PTPA: variants seen among roughly 807,000 people sequenced by gnomAD.
PTPA encodes protein phosphatase 2 phosphatase activator.
Under a neutral mutation model 43.6 loss-of-function variants are expected in PTPA, and 13 were observed. That is an observed-to-expected ratio of 0.30 (90% confidence interval 0.19 to 0.47). PTPA has a LOEUF of 0.47. Ranked by LOEUF, PTPA falls within the 20% of genes least tolerant of loss-of-function variation. The probability of loss-of-function intolerance (pLI) is 0.99; values close to 1 mark genes in which losing one functional copy is unlikely to be tolerated. For synonymous variants in PTPA, 172 were observed against 158.2 expected (o/e 1.09, Z -0.66); for missense variants, 329 against 411.9 (o/e 0.80, Z 1.74).
intron 1 of PTPA, among the ~76,000 whole-genome samples, chr9:129,117,539 G>C (rs971073962): frequency 6.6e-6 from 1 of 152,024 alleles, no homozygotes; most frequent in Non-Finnish European, 1.5e-5. Flanking sequence ...GAGTAGCTGG[G>C]ATTACAGGTG....
intron 5 of PTPA, among the ~76,000 whole-genome samples, chr9:129,133,680 T>C (rs1214224163): frequency 1.3e-5 from 2 of 152,220 alleles, no homozygotes; most frequent in East Asian, 3.8e-4. Flanking sequence ...AATCTGATCA[T>C]GTGTTCCCTG....
chr9:129,142,585 G>A (rs758617604), intron 9 of PTPA, 33 bp downstream of exon 9: 35 of 1,612,972 alleles, frequency 2.2e-5, no homozygotes, highest in Non-Finnish European at 2.8e-5. Context: ...GCCCGTCCCT[G>A]CTGCCGCACT....
chr9:129,128,014 G>A (rs550728636), intron 3 of PTPA: 1 of 1,347,704 alleles, frequency 7.4e-7, no homozygotes, highest in Non-Finnish European at 9.9e-7. Context: ...AGCAGAGTGT[G>A]TCCTGCGATG....
At chr9:129,120,678 C>T (rs751898449) in intron 2 of PTPA, 68 bp downstream of exon 2, 25 of 1,397,150 alleles carry the variant, frequency 1.8e-5, no homozygotes, top group East Asian at 6.9e-5. Flanking sequence ...GCATGACGGG[C>T]GGTGAGTTCC....
chr9:129,145,677 C>G (rs1851247006), intron 9 of PTPA, among the ~76,000 whole-genome samples: 1 of 152,168 alleles, frequency 6.6e-6, no homozygotes, highest in Non-Finnish European at 1.5e-5. Context: ...CCCAGCCTTT[C>G]TGACCGAAGA....
Position 129,130,169 on chromosome 9 carries a change from G to C in PTPA, c.342+1059G>C, listed in dbSNP as rs142220556. Among the ~76,000 whole-genome samples, 379 of 152,260 alleles carry C rather than the reference G, an allele frequency of 2.5e-3. 1 individual carries two copies. The highest frequency in any genetic ancestry group is 4.3e-3 in the Non-Finnish European group (290 of 68,028). On this transcript the variant is annotated intron_variant, in intron 4 of 9. Coordinates refer to ENST00000393370, the MANE Select transcript of PTPA (RefSeq NM_178000.3). ...ACAAAAATAAAAATGCAGGATCTCA[G>C]ACCCTGTCTAGAAAAGCAGAGTCTA...
At chr9:129,122,734 C>T (rs1384081194) in intron 2 of PTPA, among the ~76,000 whole-genome samples, 1 of 152,194 alleles carries the variant, frequency 6.6e-6, no homozygotes, top group Non-Finnish European at 1.5e-5. Flanking sequence ...TTGGTTTCCT[C>T]ATCTGTAAGA....
At chr9:129,144,062 A>G (rs1037857352) in intron 9 of PTPA, among the ~76,000 whole-genome samples, 3 of 151,520 alleles carry the variant, frequency 2.0e-5, no homozygotes, top group African/African-American at 7.3e-5. Context: ...TCTTAATTCA[A>G]GTGACTCTAA....
intron 1 of PTPA, among the ~76,000 whole-genome samples, chr9:129,112,826 A>G (rs570518096): frequency 6.6e-6 from 1 of 152,118 alleles, no homozygotes; most frequent in East Asian, 1.9e-4. Context: ...CCGTAATCCC[A>G]ACTACTAGGG....
Position 129,131,561 on chromosome 9 carries a change from C to T in PTPA, c.382C>T (p.Leu128=). Residue 128 remains leucine (L), a synonymous_variant, in exon 5 of 10, where the codon CTG becomes TTG. Transcript: ENST00000393370. The stretch of plus-strand genomic sequence containing the variant: ...GGTGGCCACAGTGGTCCCTACCCAT[C>T]TGGCAGCTGCTGTGCCTGAGGTGGC... ...NLVATVVPTH[L]AAAVPEVAVY... 1 of 1,614,082 alleles carries T rather than the reference C, an allele frequency of 6.2e-7. No individual in the cohort carries two copies. The highest frequency in any genetic ancestry group is 1.1e-5 in the South Asian group (1 of 91,076).
At chr9:129,137,485 C>T in intron 7 of PTPA, 107 bp from the exon 8 acceptor site, 1 of 772,384 alleles carries the variant, frequency 1.3e-6, no homozygotes, top group Admixed American at 2.6e-5. Flanking sequence ...GTGTTGAGGG[C>T]ACCACGGGCA....
chr9:129,118,294 T>G (rs1849026770), intron 1 of PTPA, among the ~76,000 whole-genome samples: 1 of 151,888 alleles, frequency 6.6e-6, no homozygotes, highest in Admixed American at 6.6e-5. Flanking sequence ...TCTCGTGATC[T>G]GCCTGTCTTG....
intron 8 of PTPA, chr9:129,140,080 CA>C (rs2131612548): frequency 6.5e-6 from 1 of 152,672 alleles, no homozygotes; most frequent in East Asian, 1.9e-4. Flanking sequence ...CCCATCCCCC[CA>C]GTTACTGACA....
chr9:129,128,000 G>A, intron 3 of PTPA: 1 of 1,345,706 alleles, frequency 7.4e-7, no homozygotes, highest in East Asian at 4.7e-5. Flanking sequence ...GGAGCAGGCT[G>A]CAAAGCAGAG....
At position 129,137,690 on chromosome 9, in the gene PTPA, G is replaced by A; in HGVS notation, c.784G>A (p.Glu262Lys). ...MFLECILFIT[E>K]MKTGPFAEHS... ...CCTGGAGTGTATCCTGTTTATTACC[G>A]AGGTGAGGAGGAGGGGTGAGAGAGA... The change falls in exon 8 of 10, where the codon GAG (glutamate) becomes AAG (lysine). Residue 262 changes from glutamate (E) to lysine (K), a missense_variant and splice_region_variant. Glu to Lys is a moderately conservative substitution (Grantham distance 56). Coordinates refer to ENST00000393370, the MANE Select transcript of PTPA (RefSeq NM_178000.3). 6.3e-7 allele frequency: 1 copy of A among 1,596,440 alleles called. No individual in the cohort carries two copies. Among genetic ancestry groups the A allele is most frequent in the African/African-American group, 1.3e-5 (1 of 74,814 alleles).
At chr9:129,142,695 C>T (rs757351087) in intron 9 of PTPA, 143 bp downstream of exon 9, 5 of 1,544,508 alleles carry the variant, frequency 3.2e-6, no homozygotes, top group Admixed American at 2.0e-5. Context: ...GCCCCTCTGA[C>T]ACTTGGGGCC....
intron 1 of PTPA, among the ~76,000 whole-genome samples, chr9:129,112,834 GGGA>G: frequency 6.6e-6 from 1 of 152,136 alleles, no homozygotes; most frequent in African/African-American, 2.4e-5. Flanking sequence ...CCAACTACTA[GGGA>G]GGATGAGGCA....
At chr9:129,146,853 C>T (rs1192669904) in intron 9 of PTPA, among the ~76,000 whole-genome samples, 1 of 152,222 alleles carries the variant, frequency 6.6e-6, no homozygotes, top group Non-Finnish European at 1.5e-5. Flanking sequence ...CTGCCCCCCA[C>T]ACAGGCTGCT....
chr9:129,121,923 G>A (rs1232942777), intron 2 of PTPA, among the ~76,000 whole-genome samples: 1 of 152,232 alleles, frequency 6.6e-6, no homozygotes, highest in Non-Finnish European at 1.5e-5. Flanking sequence ...GCTGGCAGGA[G>A]GATCTTGGTA....
Sources: allele counts gnomAD v4.1 joint callset (sites outside exome capture counted in the v4.1 genomes callset), GRCh38; gene constraint gnomAD v4.1.1; transcripts MANE v1.5; gene names NCBI Gene and HGNC (gene_info 2026-07-23, HGNC 2026-07-21).